The following CAMK1D variants were observed in gnomAD, a reference collection of about 807,000 sequenced individuals.
CAMK1D encodes the protein calcium/calmodulin-dependent protein kinase type 1D.
A neutral mutation model predicts 47.7 loss-of-function variants in CAMK1D; 9 were observed. That is an observed-to-expected ratio of 0.19 (90% CI 0.11 to 0.33). The LOEUF is 0.33. Among genes scored for constraint, CAMK1D ranks in the 10% least tolerant of loss-of-function variants. The probability of loss-of-function intolerance (pLI) is 1.00; values close to 1 mark genes in which losing one functional copy is unlikely to be tolerated. For missense variants in CAMK1D, 291 were observed against 488.7 expected (o/e 0.60, Z 3.81); for synonymous variants, 184 against 184.9 (o/e 0.99, Z 0.04).
At chr10:12,621,613 C>A (rs1265127378) in intron 2 of CAMK1D, among the ~76,000 whole-genome samples, 1 of 152,114 alleles carries the variant, frequency 6.6e-6, no homozygotes, top group East Asian at 1.9e-4. Flanking sequence ...TTGTAAATGG[C>A]ATTTTAAATA....
intron 1 of CAMK1D, among the ~76,000 whole-genome samples, chr10:12,546,269 A>G (rs866963864): frequency 4.6e-5 from 7 of 151,918 alleles, no homozygotes; most frequent in Middle Eastern, 3.4e-3. Context: ...GAGAAGGAGG[A>G]CATGAACCAG....
chr10:12,789,976 T>C (rs1837906455), intron 5 of CAMK1D, among the ~76,000 whole-genome samples: 1 of 152,270 alleles, frequency 6.6e-6, no homozygotes, highest in South Asian at 2.1e-4. Context: ...GTGCCAGCTA[T>C]GCCAGACGCT....
chr10:12,755,590 A>G (rs923357607), intron 3 of CAMK1D, among the ~76,000 whole-genome samples: 1 of 152,148 alleles, frequency 6.6e-6, no homozygotes, highest in Non-Finnish European at 1.5e-5. Flanking sequence ...GACTTCCACA[A>G]TGGTTGAACT....
intron 2 of CAMK1D, among the ~76,000 whole-genome samples, chr10:12,598,525 T>C (rs1838209314): frequency 6.6e-6 from 1 of 152,204 alleles, no homozygotes; most frequent in South Asian, 2.1e-4. Flanking sequence ...GAAAATGAAA[T>C]CTGTTTCGGG....
intron 3 of CAMK1D, among the ~76,000 whole-genome samples, chr10:12,675,145 A>G (rs1840765955): frequency 6.6e-6 from 1 of 152,194 alleles, no homozygotes; most frequent in African/African-American, 2.4e-5. Context: ...AATAAACTTC[A>G]GGCTGATACA....
intron 2 of CAMK1D, among the ~76,000 whole-genome samples, chr10:12,564,159 C>CTCTCTGTCTG (rs1837051292): frequency 3.7e-5 from 4 of 106,832 alleles, no homozygotes; most frequent in East Asian, 2.6e-4. Flanking sequence ...CTCTCTCTCT[C>CTCTCTGTCTG]TCTCTCTCTC....
At chr10:12,816,378 G>T in intron 8 of CAMK1D, 50 bp downstream of exon 8, 10 of 1,466,992 alleles carry the variant, frequency 6.8e-6, no homozygotes, top group Non-Finnish European at 9.4e-6. Flanking sequence ...TGCCATCTGG[G>T]GGGGGCACGA....
chr10:12,525,779 A>G lies in CAMK1D; in HGVS notation c.93-27446A>G, dbSNP rs570663323. On this transcript the variant is annotated intron_variant, in intron 1 of 10. Transcript: ENST00000619168. ...CTGTGTACTTTTTTGTTTTTTTGAG[A>G]TAAGGTCTTGCTCTGTTGCCCAAAC... is the stretch of plus-strand genomic sequence containing the variant. 2.6e-5 allele frequency among the ~76,000 whole-genome samples: 4 copies of G among 152,086 alleles called. No homozygotes were observed. In the South Asian group the frequency reaches 8.3e-4, roughly 32 times the overall value.
intron 2 of CAMK1D, among the ~76,000 whole-genome samples, chr10:12,638,839 A>G (rs1226553530): frequency 6.6e-6 from 1 of 152,102 alleles, no homozygotes; most frequent in Non-Finnish European, 1.5e-5. Context: ...GAGGTTCCCC[A>G]TCTTCCTCTG....
intron 1 of CAMK1D, among the ~76,000 whole-genome samples, chr10:12,388,267 T>A (rs1203470257): frequency 1.3e-5 from 2 of 152,196 alleles, no homozygotes; most frequent in African/African-American, 4.8e-5. Context: ...CCTCAGGTGA[T>A]CCGCTGGCCT....
chr10:12,586,827 A>G (rs573312282), intron 2 of CAMK1D, among the ~76,000 whole-genome samples: 2 of 152,368 alleles, frequency 1.3e-5, no homozygotes, highest in East Asian at 3.9e-4. Flanking sequence ...AATAAATGAA[A>G]GCAAACCTCC....
chr10:12,755,391 A>G (rs1836182521), intron 3 of CAMK1D, among the ~76,000 whole-genome samples: 1 of 152,222 alleles, frequency 6.6e-6, no homozygotes, highest in African/African-American at 2.4e-5. Flanking sequence ...GATCGAGAAG[A>G]TGGAAACTAA....
chr10:12,723,610 C>CG (rs1230945237), intron 3 of CAMK1D, among the ~76,000 whole-genome samples: 1 of 152,116 alleles, frequency 6.6e-6, no homozygotes, highest in Non-Finnish European at 1.5e-5. Context: ...TGAATGAAAG[C>CG]AAGACCTCCA....
At chr10:12,701,115 T>C (rs901512209) in intron 3 of CAMK1D, among the ~76,000 whole-genome samples, 1 of 151,842 alleles carries the variant, frequency 6.6e-6, no homozygotes, top group Non-Finnish European at 1.5e-5. Context: ...TTCTTTTTTT[T>C]TTTTTTTCTT....
chr10:12,729,358 G>A (rs930567082), intron 3 of CAMK1D, among the ~76,000 whole-genome samples: 2 of 152,220 alleles, frequency 1.3e-5, no homozygotes, highest in Non-Finnish European at 2.9e-5. Flanking sequence ...AAGTGGGACC[G>A]AGCACAGTGG....
intron 1 of CAMK1D, among the ~76,000 whole-genome samples, chr10:12,388,614 G>A (rs946138734): frequency 2.0e-5 from 3 of 152,204 alleles, no homozygotes; most frequent in African/African-American, 7.2e-5. Context: ...GCTAATTGCA[G>A]AGGTTAAAAG....
chr10:12,432,469 A>T (rs117238389), intron 1 of CAMK1D, among the ~76,000 whole-genome samples: 2 of 77,372 alleles, frequency 2.6e-5, no homozygotes, highest in Non-Finnish European at 9.1e-5. Flanking sequence ...ATGAATTAAT[A>T]AATAAATCAA....
chr10:12,678,710 T>C (rs1840892501), intron 3 of CAMK1D, among the ~76,000 whole-genome samples: 1 of 152,236 alleles, frequency 6.6e-6, no homozygotes, highest in Non-Finnish European at 1.5e-5. Context: ...TTAACACTTT[T>C]ATCATTATAT....
At chr10:12,765,625 C>G (rs1467513648) in intron 4 of CAMK1D, among the ~76,000 whole-genome samples, 1 of 152,224 alleles carries the variant, frequency 6.6e-6, no homozygotes, top group Non-Finnish European at 1.5e-5. Context: ...GAAGTGGCCT[C>G]ATTGTCTGGG....
Sources: gnomAD v4.1 joint callset for allele counts (sites outside exome capture counted in the v4.1 genomes callset) on GRCh38, gnomAD v4.1.1 for gene constraint, MANE v1.5 for transcripts, NCBI Gene and HGNC (gene_info 2026-07-23, HGNC 2026-07-21) for gene names.